The following RELCH variants were observed in gnomAD, a reference collection of about 807,000 sequenced individuals.
RELCH encodes RAB11-binding protein RELCH.
A neutral mutation model predicts 150.3 loss-of-function variants in RELCH; 41 were observed. The observed-to-expected ratio is 0.27, with a 90% CI of 0.21 to 0.35. RELCH has a LOEUF of 0.35. Ranked by LOEUF, RELCH falls within the 10% of genes least tolerant of loss-of-function variation. The pLI, the probability that RELCH is intolerant of heterozygous loss-of-function variation, is 1.00. For missense variants in RELCH, 1,092 were observed against 1,467.8 expected (o/e 0.74, Z 4.18); for synonymous variants, 478 against 531.8 (o/e 0.90, Z 1.39).
rs1157738248 is a variant in RELCH, at chr18:62,187,449, C to G, written c.-57C>G. ...TGTGTCCCCTGAGGCCTAGAGGATT[C>G]GGGCTGCGGCCCGTCGGAACCAGTC... On this transcript the variant is annotated 5_prime_UTR_variant, in exon 1 of 29. Coordinates refer to ENST00000644646, the MANE Select transcript of RELCH (RefSeq NM_001346231.2). 6.1e-6 allele frequency: 9 copies of G among 1,478,228 alleles called. No homozygotes were observed. The highest frequency in any genetic ancestry group is 8.1e-6 in the Non-Finnish European group (9 of 1,113,620). The allele number at this position is 1,478,228 out of a possible 1,614,324, so 91.6% of individuals were successfully genotyped here.
At chr18:62,300,521 TAA>T (rs772234794) in intron 28 of RELCH, 1 of 152,216 alleles carries the variant, frequency 6.6e-6, no homozygotes, top group Non-Finnish European at 1.5e-5. Flanking sequence ...TGGGTGCAGA[TAA>T]AGATATCTGT....
intron 7 of RELCH, 151 bp downstream of exon 7, chr18:62,227,840 G>A (rs2041314080): frequency 2.0e-6 from 1 of 499,414 alleles, no homozygotes; most frequent in Non-Finnish European, 3.5e-6. Context: ...ATTGTTTAAT[G>A]TATTTAAAAT....
Position 62,187,860 on chromosome 18 carries a change from G to C in RELCH, c.355G>C (p.Glu119Gln). Residue 119 changes from glutamate (E) to glutamine (Q), a missense_variant, in exon 1 of 29, where the codon GAG becomes CAG. Around this residue, in one of 4 missense-constraint regions of RELCH, gnomAD observed 190 missense variants for 276.2 expected, o/e 0.69. Coordinates refer to ENST00000644646, the MANE Select transcript of RELCH (RefSeq NM_001346231.2). ...CCTGGAGCTGCATACCGAGCTGTTA[G>C]AGAGTGGCCGGGAGCTGCCTCGGCT... Reference protein sequence around the residue: ...TALELHTELLESGRELPRLRD... With the variant: ...TALELHTELLQSGRELPRLRD... 1 of 1,593,938 alleles carries C rather than the reference G, an allele frequency of 6.3e-7. No individual in the cohort carries two copies. The highest frequency in any genetic ancestry group is 8.5e-7 in the Non-Finnish European group (1 of 1,170,578).
rs1258019496 is a variant in RELCH at position 62,187,483 on chromosome 18, G to C, written c.-23G>C. 6.7e-7 allele frequency: 1 copy of C among 1,497,622 alleles called. No individual in the cohort carries two copies. Among genetic ancestry groups the C allele is most frequent in the African/African-American group, 1.4e-5 (1 of 71,412 alleles). The allele number at this position is 1,497,622 out of a possible 1,614,324, so 92.8% of individuals were successfully genotyped here. The stretch of plus-strand genomic sequence containing the variant: ...GCCCGTCGGAACCAGTCAGGGAGGC[G>C]CCCACACTCCTGACAGGATAAGATG... On this transcript the variant is annotated 5_prime_UTR_variant, in exon 1 of 29. Coordinates refer to ENST00000644646, the MANE Select transcript of RELCH (RefSeq NM_001346231.2).
intron 10 of RELCH, among the ~76,000 whole-genome samples, chr18:62,236,216 AT>A: frequency 6.6e-6 from 1 of 151,878 alleles, no homozygotes; most frequent in East Asian, 1.9e-4. Flanking sequence ...TGATAATGCG[AT>A]TTTTCCCCTT....
At chr18:62,244,963 A>G in intron 11 of RELCH, 87 bp downstream of exon 11, 1 of 852,478 alleles carries the variant, frequency 1.2e-6, no homozygotes, top group Non-Finnish European at 2.0e-6. Flanking sequence ...ATTTGAATCT[A>G]AAATGCCTTC....
At chr18:62,279,258 A>G (rs2044375795) in intron 22 of RELCH, among the ~76,000 whole-genome samples, 1 of 152,188 alleles carries the variant, frequency 6.6e-6, no homozygotes, top group African/African-American at 2.4e-5. Context: ...AGGCTATATT[A>G]TTTAAAAGAT....
At chr18:62,278,416 T>A (rs2044330139) in intron 22 of RELCH, among the ~76,000 whole-genome samples, 1 of 152,162 alleles carries the variant, frequency 6.6e-6, no homozygotes, top group African/African-American at 2.4e-5. Flanking sequence ...TTTATAAAAA[T>A]TATTTCAGAA....
At chr18:62,264,242 C>A in intron 17 of RELCH, 97 bp downstream of exon 17, 1 of 978,562 alleles carries the variant, frequency 1.0e-6, no homozygotes, top group Non-Finnish European at 1.5e-6. Flanking sequence ...TAAAATGTAA[C>A]TCGGCATCAT....
chr18:62,308,114 G>A lies in RELCH; in HGVS notation c.*2580G>A, dbSNP rs1201144569. On this transcript the variant is annotated 3_prime_UTR_variant, in exon 29 of 29. Coordinates refer to ENST00000644646, the MANE Select transcript of RELCH (RefSeq NM_001346231.2). ...ATTCTAATGGGGGTCTCAAGTCAAGGTGCTATCACATTCTTGTTTTTAAAA... is the reference window on the plus strand; with the variant it reads ...ATTCTAATGGGGGTCTCAAGTCAAGATGCTATCACATTCTTGTTTTTAAAA... The A allele has an allele frequency of 6.6e-6, 1 of 152,134 alleles. No individual in the cohort carries two copies. The highest frequency in any genetic ancestry group is 2.4e-5 in the African/African-American group (1 of 41,414). 9.4% of individuals were successfully genotyped at this position (152,134 alleles called of 1,614,324 possible).
intron 1 of RELCH, 152 bp downstream of exon 1, chr18:62,188,183 A>G (rs1368181494): frequency 4.1e-5 from 39 of 943,254 alleles, no homozygotes; most frequent in East Asian, 8.1e-5. Flanking sequence ...CGGTGGAAGC[A>G]AGAGGATCAG....
intron 28 of RELCH, among the ~76,000 whole-genome samples, chr18:62,302,508 T>C (rs1260569413): frequency 1.3e-5 from 2 of 151,934 alleles, no homozygotes; most frequent in Non-Finnish European, 2.9e-5. Context: ...CAAGTGGAGA[T>C]TTTATTTTTG....
chr18:62,302,356 G>C (rs2045701262), intron 28 of RELCH, among the ~76,000 whole-genome samples: 1 of 152,194 alleles, frequency 6.6e-6, no homozygotes, highest in African/African-American at 2.4e-5. Context: ...GGTTGGAGCA[G>C]TGGTAGATAA....
rs1443610981 is a variant in RELCH at position 62,258,076 on chromosome 18, C to A, written c.2025C>A (p.Asp675Glu). ...GIIMGYIDDP[D>E]KYHQGFELLL... ...TTATGGGATACATTGATGATCCAGA[C>A]AAATATCATCAGGTATGTTTTTCAG... Residue 675 changes from aspartate to glutamate, a missense_variant, in exon 14 of 29, where the codon GAC becomes GAA. By Grantham distance (45) the Asp-to-Glu change is conservative (BLOSUM62 2). Transcript: ENST00000644646. 5.0e-6 allele frequency: 8 copies of A among 1,598,198 alleles called. No individual in the cohort carries two copies. The highest frequency in any genetic ancestry group is 2.7e-5 in the African/African-American group (2 of 73,970).
At chr18:62,206,928 G>C (rs1415983683) in intron 1 of RELCH, among the ~76,000 whole-genome samples, 1 of 151,984 alleles carries the variant, frequency 6.6e-6, no homozygotes. Flanking sequence ...GTAGAGGCAG[G>C]GTCTTGCTAT....
rs902420287 is a variant in RELCH, at chr18:62,187,416, A to G, written c.-90A>G. The G allele has an allele frequency of 4.0e-6, 5 of 1,252,386 alleles. No individual in the cohort carries two copies. In the African/African-American group the frequency reaches 6.3e-5, roughly 16 times the overall value. The allele number at this position is 1,252,386 out of a possible 1,614,324, so 77.6% of individuals were successfully genotyped here. A position where few individuals can be genotyped will look rare whatever the true frequency, so the allele number is the denominator to read the frequency against. ...GGACGTGGTCAGGCCGGGGCTGTGG[A>G]GGTGCGCTGTGTCCCCTGAGGCCTA... On this transcript the variant is annotated 5_prime_UTR_variant, in exon 1 of 29. Transcript: ENST00000644646.
intron 11 of RELCH, among the ~76,000 whole-genome samples, chr18:62,249,749 T>A: frequency 6.6e-6 from 1 of 150,842 alleles, no homozygotes; most frequent in East Asian, 1.9e-4. Context: ...AGTCCACGCT[T>A]TTTTTTTTCT....
intron 1 of RELCH, among the ~76,000 whole-genome samples, chr18:62,191,096 T>C (rs1215413802): frequency 2.6e-5 from 4 of 152,242 alleles, no homozygotes; most frequent in Non-Finnish European, 5.9e-5. Context: ...AAAAAATTTG[T>C]GTCTTTTAAG....
At chr18:62,251,613 A>T (rs1279750973) in intron 11 of RELCH, among the ~76,000 whole-genome samples, 1 of 152,194 alleles carries the variant, frequency 6.6e-6, no homozygotes, top group Non-Finnish European at 1.5e-5. Flanking sequence ...ACTCAAAGAG[A>T]TGCGATCATT....
Sources: allele counts gnomAD v4.1 joint callset (sites outside exome capture counted in the v4.1 genomes callset), GRCh38; gene constraint gnomAD v4.1.1; regional missense constraint gnomAD v4.1.1; transcripts MANE v1.5; gene names NCBI Gene and HGNC (gene_info 2026-07-23, HGNC 2026-07-21).